MAP3K15: variants seen among roughly 807,000 people sequenced by gnomAD.
MAP3K15 encodes the protein MAPK/ERK kinase kinase 15.
A neutral mutation model predicts 99.5 loss-of-function variants in MAP3K15; 124 were observed. The ratio of observed to expected loss-of-function variants is 1.25; its 90% CI spans 1.08 to 1.45. The LOEUF is 1.45. Among genes scored for constraint, MAP3K15 ranks in the 40% most tolerant of loss-of-function variants. The pLI is 0.00. For missense variants in MAP3K15, 1,242 were observed against 1,079.7 expected, an observed-to-expected ratio of 1.15 and a Z score of -2.11; for synonymous variants, 494 against 439.6, an observed-to-expected ratio of 1.12 and a Z score of -1.55.
intron 5 of MAP3K15, among the ~76,000 whole-genome samples, chrX:19,458,001 G>A (rs1213561430): frequency 8.9e-6 from 1 of 112,087 alleles, no homozygotes; most frequent in Non-Finnish European, 1.9e-5. Flanking sequence ...GAGAAAAATT[G>A]CGACCATGCT....
chrX:19,372,743 G>C lies in MAP3K15; in HGVS notation c.3018C>G (p.Arg1006=), dbSNP rs2147216230. The change falls in exon 22 of 29, where the codon CGC becomes CGG. Residue 1006 remains arginine (R), a synonymous_variant. Transcript: ENST00000338883. ...GGATGGCACGGCGCTCACTGTCCTT[G>C]CGTAGCAGGAAGAGGCCCTGGTCCC... ...EDRDQGLFLL[R]KDSERRAILY... 2 of 1,211,164 alleles carry C rather than the reference G, an allele frequency of 1.7e-6. No homozygotes were observed. The highest frequency in any genetic ancestry group is 5.9e-5 in the East Asian group (2 of 33,807).
At chrX:19,484,030 C>T (rs1215981529) in intron 3 of MAP3K15, among the ~76,000 whole-genome samples, 2 of 111,609 alleles carry the variant, frequency 1.8e-5, no homozygotes, top group African/African-American at 6.5e-5. Context: ...TCTTGCCAAG[C>T]ATGACAACCA....
chrX:19,372,579 G>A (rs779222602), intron 22 of MAP3K15, 74 bp downstream of exon 22: 2 of 1,020,722 alleles, frequency 2.0e-6, no homozygotes, highest in Non-Finnish European at 2.7e-6. Context: ...CTGAGGTCCT[G>A]ATTGGACCTG....
At chrX:19,495,407 T>C (rs2064394103) in intron 1 of MAP3K15, among the ~76,000 whole-genome samples, 2 of 111,833 alleles carry the variant, frequency 1.8e-5, no homozygotes, top group South Asian at 3.7e-4. Context: ...CCAAGTGTCA[T>C]AGTGAGTGGT....
chrX:19,373,610 T>C lies in MAP3K15; in HGVS notation c.2859A>G (p.Pro953=), dbSNP rs2147218188. 1 of 1,192,887 alleles carries C rather than the reference T, an allele frequency of 8.4e-7. No individual in the cohort carries two copies. Among genetic ancestry groups the C allele is most frequent in the Non-Finnish European group, 1.1e-6 (1 of 887,301 alleles). ...TSSSEHGSVS[P]DSDAQPDALF... ...GTGCGTCAGGCTGGGCGTCGGAGTCTGGGGAGACAGAGCCGTGCTCGCTGC... is the reference window on the plus strand; with the variant it reads ...GTGCGTCAGGCTGGGCGTCGGAGTCCGGGGAGACAGAGCCGTGCTCGCTGC... The change falls in exon 21 of 29, where the codon CCA becomes CCG. Residue 953 remains proline, a synonymous_variant. Transcript: ENST00000338883.
At chrX:19,441,773 T>C (rs1375176169) in intron 6 of MAP3K15, among the ~76,000 whole-genome samples, 2 of 111,921 alleles carry the variant, frequency 1.8e-5, no homozygotes, top group Non-Finnish European at 3.8e-5. Context: ...GGGTTAATTG[T>C]ATGGTATGAG....
chrX:19,432,457 A>C (rs1284681685), intron 6 of MAP3K15, among the ~76,000 whole-genome samples: 1 of 107,433 alleles, frequency 9.3e-6, no homozygotes, highest in Non-Finnish European at 1.9e-5. Context: ...TGGGAGGCTG[A>C]GGCAGGAGAA....
chrX:19,367,520 T>G (rs1397075201), intron 25 of MAP3K15, among the ~76,000 whole-genome samples: 1 of 100,928 alleles, frequency 9.9e-6, no homozygotes, highest in Non-Finnish European at 2.0e-5. Context: ...TAACTAAAGC[T>G]CTGGGTCTTT....
At chrX:19,386,191 T>A (rs5955765) in intron 18 of MAP3K15, among the ~76,000 whole-genome samples, 4,477 of 111,393 alleles carry the variant, frequency 0.04, 116 homozygotes, top group South Asian at 0.12. Flanking sequence ...GCACGGTGGC[T>A]CACACCTGAA....
intron 7 of MAP3K15, among the ~76,000 whole-genome samples, chrX:19,427,675 C>A (rs2063843046): frequency 9.0e-6 from 1 of 111,524 alleles, no homozygotes. Flanking sequence ...AAAAAAAGAA[C>A]TCAATGAAGT....
chrX:19,360,606 TTTAAAAC>T lies in MAP3K15; in HGVS notation c.*136_*142del, dbSNP rs2063271378. On this transcript the variant is annotated 3_prime_UTR_variant, in exon 29 of 29. Coordinates refer to ENST00000338883, the MANE Select transcript of MAP3K15 (RefSeq NM_001001671.4). ...GTTTCAAAAGAAACTCAGGACAGTA[TTTAAAAC>T]AAGTTCTTAAACTATTAATTGAACA... is the stretch of plus-strand genomic sequence containing the variant. 1 of 472,323 alleles carries T rather than the reference TTTAAAAC, an allele frequency of 2.1e-6. No individual in the cohort carries two copies. Among genetic ancestry groups the T allele is most frequent in the Admixed American group, 4.0e-5 (1 of 25,290 alleles). The allele number at this position is 472,323 out of a possible 1,213,427, so 38.9% of individuals were successfully genotyped here. A position where few individuals can be genotyped will look rare whatever the true frequency, so the allele number is the denominator to read the frequency against.
chrX:19,414,922 G>A (rs909889194), intron 10 of MAP3K15, among the ~76,000 whole-genome samples, 185 bp downstream of exon 10: 1 of 111,904 alleles, frequency 8.9e-6, no homozygotes. Flanking sequence ...TACTATAGAG[G>A]ATATGGCCAA....
intron 19 of MAP3K15, among the ~76,000 whole-genome samples, chrX:19,376,235 G>A (rs549193519): frequency 9.0e-6 from 1 of 110,952 alleles, no homozygotes; most frequent in East Asian, 2.9e-4. Flanking sequence ...CCTGGAGGCT[G>A]GAAGTCCAAG....
intron 12 of MAP3K15, 135 bp downstream of exon 12, chrX:19,409,789 T>C (rs1164984017): frequency 1.2e-5 from 6 of 500,878 alleles, no homozygotes; most frequent in Non-Finnish European, 2.0e-5. Flanking sequence ...AAGGACAACA[T>C]AATAGAGAGT....
chrX:19,364,220 G>A (rs1472727334), intron 25 of MAP3K15, among the ~76,000 whole-genome samples: 1 of 112,029 alleles, frequency 8.9e-6, no homozygotes, highest in Non-Finnish European at 1.9e-5. Flanking sequence ...CTCTTCCCAA[G>A]GGACCGCCTC....
At chrX:19,434,327 C>T (rs1007796184) in intron 6 of MAP3K15, among the ~76,000 whole-genome samples, 8 of 108,764 alleles carry the variant, frequency 7.4e-5, no homozygotes, top group Admixed American at 3.0e-4. Context: ...CAGGTTCAAG[C>T]GATTCTTCCA....
intron 3 of MAP3K15, among the ~76,000 whole-genome samples, chrX:19,470,806 T>C (rs760539686): frequency 8.9e-6 from 1 of 112,209 alleles, no homozygotes; most frequent in East Asian, 2.8e-4. Context: ...GCTAACTGCC[T>C]TTGAAAGGAC....
intron 4 of MAP3K15, among the ~76,000 whole-genome samples, chrX:19,461,369 A>G (rs2064131938): frequency 8.9e-6 from 1 of 112,262 alleles, no homozygotes; most frequent in South Asian, 3.7e-4. Flanking sequence ...TGCTGGGATT[A>G]CAGGCGTGAG....
At chrX:19,403,088 TGGAGGGA>T (rs2063620535) in intron 13 of MAP3K15, among the ~76,000 whole-genome samples, 1 of 111,660 alleles carries the variant, frequency 9.0e-6, no homozygotes, top group African/African-American at 3.3e-5. Context: ...CAGTTATCAC[TGGAGGGA>T]GTTTAATGAC....
Sources: allele counts gnomAD v4.1 joint callset (sites outside exome capture counted in the v4.1 genomes callset), GRCh38; gene constraint gnomAD v4.1.1; transcripts MANE v1.5; gene names NCBI Gene and HGNC (gene_info 2026-07-23, HGNC 2026-07-21).